The following MS4A10 variants were observed in gnomAD, a reference collection of about 807,000 sequenced individuals.
MS4A10 encodes the protein membrane spanning 4-domains A10.
Under a neutral mutation model 27.7 loss-of-function variants are expected in MS4A10, and 27 were observed. The ratio of observed to expected loss-of-function variants is 0.98; its 90% CI spans 0.72 to 1.35. The LOEUF is 1.35. MS4A10 is among the 40% of genes most tolerant of loss of function. The pLI, the probability that MS4A10 is intolerant of heterozygous loss-of-function variation, is 0.00. For missense variants in MS4A10, 338 were observed against 324.7 expected (o/e 1.04, Z -0.32); for synonymous variants, 139 against 131.2 (o/e 1.06, Z -0.41).
chr11:60,794,164 C>G (rs1338029796), intron 5 of MS4A10, 61 bp downstream of exon 5: 1 of 1,599,696 alleles, frequency 6.3e-7, no homozygotes. Context: ...TGGATTTGGC[C>G]AACAGGAGGT....
intron 1 of MS4A10, among the ~76,000 whole-genome samples, chr11:60,786,189 G>GCGCA (rs1554971120): frequency 3.9e-5 from 5 of 127,252 alleles, no homozygotes; most frequent in Non-Finnish European, 6.7e-5. Context: ...ACACACACAC[G>GCGCA]CACACACACA....
intron 7 of MS4A10, 127 bp downstream of exon 7, chr11:60,798,641 G>A (rs1369182593): frequency 5.7e-6 from 4 of 706,324 alleles, no homozygotes; most frequent in Non-Finnish European, 9.6e-6. Flanking sequence ...GCTGCAGCTA[G>A]AACTGCCTGG....
At chr11:60,793,934 C>G (rs1483990280) in intron 4 of MS4A10, 38 bp from the exon 5 acceptor site, 2 of 1,610,894 alleles carry the variant, frequency 1.2e-6, no homozygotes, top group South Asian at 2.2e-5. Flanking sequence ...CAGGTCTCCA[C>G]CCTTTGGACA....
chr11:60,795,475 C>A (rs1252771502), intron 5 of MS4A10, 80 bp from the exon 6 acceptor site: 2 of 871,548 alleles, frequency 2.3e-6, no homozygotes, highest in Admixed American at 3.6e-5. Context: ...TAGCAAGGAC[C>A]CCTGCCTGGC....
At chr11:60,796,999 T>C (rs887185322) in intron 6 of MS4A10, among the ~76,000 whole-genome samples, 1 of 152,170 alleles carries the variant, frequency 6.6e-6, no homozygotes. Context: ...CTGATTTTCA[T>C]GTTAGTGACC....
At chr11:60,798,148 G>A (rs1311750268) in intron 6 of MS4A10, among the ~76,000 whole-genome samples, 2 of 152,242 alleles carry the variant, frequency 1.3e-5, no homozygotes, top group Non-Finnish European at 2.9e-5. Context: ...GACACTGGTA[G>A]CGGGACGGGA....
At chr11:60,787,530 G>T (rs1397148271) in intron 1 of MS4A10, among the ~76,000 whole-genome samples, 1 of 152,116 alleles carries the variant, frequency 6.6e-6, no homozygotes, top group Admixed American at 6.5e-5. Context: ...TATATTTAAA[G>T]TTGGAAGGGA....
At chr11:60,787,280 C>CCT (rs1244441494) in intron 1 of MS4A10, among the ~76,000 whole-genome samples, 1 of 152,164 alleles carries the variant, frequency 6.6e-6, no homozygotes, top group African/African-American at 2.4e-5. Flanking sequence ...CTGCCTGCCC[C>CCT]CTCTCTGTCA....
chr11:60,795,263 C>T (rs1854505594), intron 5 of MS4A10, among the ~76,000 whole-genome samples: 1 of 152,152 alleles, frequency 6.6e-6, no homozygotes, highest in African/African-American at 2.4e-5. Flanking sequence ...GACCCTAAGG[C>T]TACCTTCATT....
chr11:60,794,246 C>T (rs1854484553), intron 5 of MS4A10, 143 bp downstream of exon 5: 1 of 914,658 alleles, frequency 1.1e-6, no homozygotes, highest in Admixed American at 2.5e-5. Context: ...CTGTTTCTGT[C>T]CCCTACAAGG....
intron 2 of MS4A10, 104 bp downstream of exon 2, chr11:60,790,622 C>CCCTTTCT: frequency 7.9e-7 from 1 of 1,258,392 alleles, no homozygotes; most frequent in Non-Finnish European, 1.1e-6. Flanking sequence ...AAGAGAAAGG[C>CCCTTTCT]TCCAGCTTTC....
intron 1 of MS4A10, among the ~76,000 whole-genome samples, chr11:60,789,059 C>G (rs1854384182): frequency 6.6e-6 from 1 of 152,200 alleles, no homozygotes; most frequent in South Asian, 2.1e-4. Context: ...TTCCCCTCTA[C>G]CCAATCCAGG....
chr11:60,788,569 C>T (rs550040868), intron 1 of MS4A10, among the ~76,000 whole-genome samples: 163 of 152,362 alleles, frequency 1.1e-3, no homozygotes, highest in Admixed American at 3.7e-3. Context: ...CTGTGTCAGA[C>T]GGACTTCTGA....
At chr11:60,799,494 A>G (rs945294421) in intron 7 of MS4A10, among the ~76,000 whole-genome samples, 1 of 152,158 alleles carries the variant, frequency 6.6e-6, no homozygotes, top group Admixed American at 6.5e-5. Context: ...CAAACCCCAA[A>G]AATAACAAAC....
At chr11:60,787,408 G>A (rs1590995076) in intron 1 of MS4A10, among the ~76,000 whole-genome samples, 1 of 152,298 alleles carries the variant, frequency 6.6e-6, no homozygotes, top group African/African-American at 2.4e-5. Context: ...GCGTACGAGA[G>A]AGTCATAACA....
chr11:60,798,622 G>A (rs1854572683), intron 7 of MS4A10, 108 bp downstream of exon 7: 2 of 810,488 alleles, frequency 2.5e-6, no homozygotes, highest in Non-Finnish European at 4.1e-6. Context: ...GGGGCAAGGG[G>A]CTAACAGTGC....
chr11:60,794,102 C>CGGT lies in MS4A10; in HGVS notation c.492+1_492+3dup. The CGGT allele has an allele frequency of 6.2e-7, 1 of 1,614,064 alleles. No homozygotes were observed. Among genetic ancestry groups the CGGT allele is most frequent in the Non-Finnish European group, 8.5e-7 (1 of 1,180,016 alleles). ...ATCTGGAGAATGTACCCCAACTCCA[C>CGGT]GGTGAGTACCCAGGCCTGGAGGGCC... On this transcript the variant is annotated inframe_insertion and splice_region_variant, in exon 5 of 8. Transcript: ENST00000308287.
Position 60,788,617 on chromosome 11 carries a change from G to T in MS4A10, c.-22-1697G>T, listed in dbSNP as rs545513164. The stretch of plus-strand genomic sequence containing the variant: ...CTTCCCAAGGGACAGTTCCCAGAGG[G>T]ACAGTTCCCATGCATAGCTGGGCAG... On this transcript the variant is annotated intron_variant, in intron 1 of 7. Coordinates refer to ENST00000308287, the MANE Select transcript of MS4A10 (RefSeq NM_206893.4). 3.3e-5 allele frequency among the ~76,000 whole-genome samples: 5 copies of T among 152,330 alleles called. No homozygotes were observed. In the South Asian group the frequency reaches 1.0e-3, roughly 32 times the overall value.
chr11:60,798,154 C>A (rs1854562531), intron 6 of MS4A10, among the ~76,000 whole-genome samples: 1 of 152,196 alleles, frequency 6.6e-6, no homozygotes, highest in Admixed American at 6.5e-5. Context: ...GGTAGCGGGA[C>A]GGGAACCAGA....
Sources: allele counts gnomAD v4.1 joint callset (sites outside exome capture counted in the v4.1 genomes callset), GRCh38; gene constraint gnomAD v4.1.1; transcripts MANE v1.5; gene names NCBI Gene and HGNC (gene_info 2026-07-23, HGNC 2026-07-21).